Variants in SNTG1 observed in about 807,000 individuals in gnomAD.
SNTG1 encodes syntrophin gamma 1, also known as gamma-1-syntrophin.
A neutral mutation model predicts 74.7 loss-of-function variants in SNTG1; 39 were observed. That is an observed-to-expected ratio of 0.52 (90% CI 0.40 to 0.68). The LOEUF (loss-of-function observed/expected upper bound fraction) is 0.68. SNTG1 is among the 30% of genes least tolerant of loss of function. The pLI, the probability that SNTG1 is intolerant of heterozygous loss-of-function variation, is 0.00. For synonymous variants in SNTG1, 254 were observed against 217.1 expected, an observed-to-expected ratio of 1.17 and a Z score of -1.49; for missense variants, 685 against 609.5, an observed-to-expected ratio of 1.12 and a Z score of -1.30.
chr8:50,674,783 C>T (rs1348005830), intron 15 of SNTG1, among the ~76,000 whole-genome samples: 1 of 151,598 alleles, frequency 6.6e-6, no homozygotes, highest in African/African-American at 2.4e-5. Flanking sequence ...ATCTTTCTAG[C>T]TTTCTGATGT....
intron 13 of SNTG1, among the ~76,000 whole-genome samples, chr8:50,617,173 TCCATTTACTC>T (rs2094890505): frequency 6.6e-6 from 1 of 152,170 alleles, no homozygotes; most frequent in African/African-American, 2.4e-5. Context: ...ACAGTATACA[TCCATTTACTC>T]CTTTATTGTT....
chr8:50,414,847 C>T (rs975620907), intron 4 of SNTG1, among the ~76,000 whole-genome samples: 25 of 151,982 alleles, frequency 1.6e-4, no homozygotes, highest in Non-Finnish European at 8.8e-5. Flanking sequence ...CTTTGTGAAC[C>T]TGTGTGACTT....
chr8:50,580,314 T>C (rs1344710815), intron 12 of SNTG1, among the ~76,000 whole-genome samples: 1 of 152,208 alleles, frequency 6.6e-6, no homozygotes, highest in African/African-American at 2.4e-5. Flanking sequence ...CACAGGGTTA[T>C]AGATGGAAGA....
At chr8:50,181,371 T>C (rs965872573) in intron 2 of SNTG1, among the ~76,000 whole-genome samples, 4 of 152,224 alleles carry the variant, frequency 2.6e-5, no homozygotes, top group Admixed American at 6.5e-5. Context: ...TTTTATTAAT[T>C]GCTTTAATAT....
intron 2 of SNTG1, among the ~76,000 whole-genome samples, chr8:50,386,473 G>A (rs2092576079): frequency 6.6e-6 from 1 of 151,772 alleles, no homozygotes; most frequent in African/African-American, 2.4e-5. Context: ...ACCTGTGGTA[G>A]GGTATCAGCG....
chr8:50,490,988 T>C (rs2068238), intron 8 of SNTG1: 132,203 of 153,584 alleles, frequency 0.86, 57,027 homozygotes, highest in Non-Finnish European at 0.89. Flanking sequence ...CATGTCTACA[T>C]TGCTCAGACA....
intron 2 of SNTG1, among the ~76,000 whole-genome samples, chr8:50,392,361 G>A (rs1287063546): frequency 1.3e-5 from 2 of 152,174 alleles, no homozygotes; most frequent in East Asian, 3.8e-4. Context: ...AGAAAGGACT[G>A]AAGAAAGAAT....
At chr8:50,450,432 A>T (rs1044949224) in intron 6 of SNTG1, 124 bp from the exon 7 acceptor site, 15 of 969,264 alleles carry the variant, frequency 1.5e-5, no homozygotes, top group Admixed American at 4.7e-5. Context: ...ATCTTTTAAG[A>T]TGCTAACCAT....
intron 8 of SNTG1, among the ~76,000 whole-genome samples, chr8:50,483,230 T>G (rs868362857): frequency 1.3e-5 from 2 of 152,332 alleles, no homozygotes; most frequent in African/African-American, 4.8e-5. Flanking sequence ...TTATCCTATG[T>G]CTGACATTTT....
At chr8:49,993,942 A>G (rs181798956) in intron 1 of SNTG1, among the ~76,000 whole-genome samples, 19 of 152,264 alleles carry the variant, frequency 1.2e-4, no homozygotes, top group African/African-American at 4.1e-4. Flanking sequence ...TGAATTCTTA[A>G]GCATGTAAAC....
intron 2 of SNTG1, among the ~76,000 whole-genome samples, chr8:50,241,636 G>C (rs2086167296): frequency 6.6e-6 from 1 of 152,180 alleles, no homozygotes; most frequent in African/African-American, 2.4e-5. Context: ...TACGTGAACA[G>C]ACTTTACTTT....
At chr8:50,209,207 TAAAC>T (rs2084392015) in intron 2 of SNTG1, among the ~76,000 whole-genome samples, 1 of 152,044 alleles carries the variant, frequency 6.6e-6, no homozygotes. Flanking sequence ...CTTGAGTAGA[TAAAC>T]AAAGTGGCCA....
At chr8:50,545,508 T>A (rs913797765) in intron 11 of SNTG1, among the ~76,000 whole-genome samples, 6 of 144,418 alleles carry the variant, frequency 4.2e-5, no homozygotes, top group Admixed American at 1.4e-4. Context: ...ATATATATAT[T>A]TGAATTTGAG....
At chr8:50,614,193 A>T (rs994109140) in intron 13 of SNTG1, among the ~76,000 whole-genome samples, 1 of 152,162 alleles carries the variant, frequency 6.6e-6, no homozygotes, top group African/African-American at 2.4e-5. Context: ...ATTACAAAGG[A>T]ATAAGAAAAA....
At chr8:50,311,829 G>A (rs1051363858) in intron 2 of SNTG1, among the ~76,000 whole-genome samples, 1 of 152,164 alleles carries the variant, frequency 6.6e-6, no homozygotes, top group African/African-American at 2.4e-5. Flanking sequence ...TGACCCAAGA[G>A]TAATGTGAAA....
At chr8:49,978,298 G>A (rs1812373850) in intron 1 of SNTG1, among the ~76,000 whole-genome samples, 1 of 152,066 alleles carries the variant, frequency 6.6e-6, no homozygotes, top group African/African-American at 2.4e-5. Flanking sequence ...GAAGAGGAGA[G>A]GAGAGGGAAG....
chr8:50,624,091 T>A (rs1330489753), intron 13 of SNTG1, among the ~76,000 whole-genome samples: 1 of 152,012 alleles, frequency 6.6e-6, no homozygotes, highest in Admixed American at 6.6e-5. Flanking sequence ...AATAATTTCC[T>A]TAGAAATTCT....
At chr8:49,973,479 G>C (rs896935161) in intron 1 of SNTG1, among the ~76,000 whole-genome samples, 1 of 151,342 alleles carries the variant, frequency 6.6e-6, no homozygotes, top group Non-Finnish European at 1.5e-5. Context: ...TAACCTGCAC[G>C]TTGTGCACAT....
At chr8:50,477,138 G>A (rs2093703387) in intron 8 of SNTG1, among the ~76,000 whole-genome samples, 2 of 151,590 alleles carry the variant, frequency 1.3e-5, no homozygotes, top group Non-Finnish European at 2.9e-5. Flanking sequence ...CAGATAAGCT[G>A]TACTCATGGA....
Sources: gnomAD v4.1 joint callset for allele counts (sites outside exome capture counted in the v4.1 genomes callset) on GRCh38, gnomAD v4.1.1 for gene constraint, MANE v1.5 for transcripts, NCBI Gene and HGNC (gene_info 2026-07-23, HGNC 2026-07-21) for gene names.